AOX1: variants seen among roughly 807,000 people sequenced by gnomAD.
The protein encoded by AOX1 is aldehyde oxidase 1.
Under a neutral mutation model 169.5 loss-of-function variants are expected in AOX1, and 153 were observed. The observed-to-expected ratio is 0.90, with a 90% confidence interval of 0.79 to 1.03. The LOEUF (loss-of-function observed/expected upper bound fraction) is 1.03, where lower values mean the gene tolerates loss of function less well. AOX1 is among the 50% of genes least tolerant of loss of function. The pLI is 0.00. For synonymous variants in AOX1, 562 were observed against 581.9 expected (o/e 0.97, Z 0.49); for missense variants, 1,656 against 1,663.9 (o/e 1.00, Z 0.08).
In AOX1 at chr2:200,621,131, T is replaced by C. The variant is rs775931061; in HGVS notation, c.1886T>C (p.Leu629Pro). Reference protein sequence around the residue: ...RAHAKIVSIDLSEALSMPGVV... With the variant: ...RAHAKIVSIDPSEALSMPGVV... ...TGTATATCATCTAGGTCTATTGATC[T>C]GTCAGAAGCTCTCAGCATGCCCGGT... The change falls in exon 18 of 35, where the codon CTG (leucine) becomes CCG (proline). Residue 629 changes from leucine to proline, a missense_variant. Physicochemically the swap from Leu to Pro is moderately conservative, Grantham distance 98. Coordinates refer to ENST00000374700, the MANE Select transcript of AOX1 (RefSeq NM_001159.4). The C allele has an allele frequency of 6.2e-7, 1 of 1,613,382 alleles. No individual in the cohort carries two copies. The highest frequency in any genetic ancestry group is 8.5e-7 in the Non-Finnish European group (1 of 1,179,834).
chr2:200,641,763 G>A (rs1361248407), intron 24 of AOX1, among the ~76,000 whole-genome samples: 1 of 151,932 alleles, frequency 6.6e-6, no homozygotes, highest in East Asian at 2.0e-4. Flanking sequence ...CAAACTACTA[G>A]GCTCAAGCAA....
At chr2:200,630,210 T>TAAAAA (rs57410809) in intron 20 of AOX1, among the ~76,000 whole-genome samples, 13 of 95,524 alleles carry the variant, frequency 1.4e-4, no homozygotes, top group African/African-American at 5.0e-4. Context: ...TCCTTCTATT[T>TAAAAA]AAAAAAAAAA....
At chr2:200,595,135 TA>T (rs1415100119) in intron 2 of AOX1, 136 bp from the exon 3 acceptor site, 3 of 486,430 alleles carry the variant, frequency 6.2e-6, no homozygotes, top group African/African-American at 5.9e-5. Context: ...AATTAAGACA[TA>T]AACACATTAT....
At chr2:200,669,228 G>A (rs2035981225) in intron 33 of AOX1, among the ~76,000 whole-genome samples, 1 of 152,188 alleles carries the variant, frequency 6.6e-6, no homozygotes, top group African/African-American at 2.4e-5. Flanking sequence ...CAGATCACCT[G>A]AGTCCAAGAG....
chr2:200,605,125 G>A (rs1474507720), intron 9 of AOX1, among the ~76,000 whole-genome samples: 1 of 152,314 alleles, frequency 6.6e-6, no homozygotes, highest in African/African-American at 2.4e-5. Context: ...CAGCTGTCCT[G>A]TCTTTCCTTT....
At chr2:200,631,947 G>A (rs2035136467) in intron 20 of AOX1, among the ~76,000 whole-genome samples, 1 of 152,090 alleles carries the variant, frequency 6.6e-6, no homozygotes, top group Non-Finnish European at 1.5e-5. Context: ...AAGTGAAGCA[G>A]AATCTATTCA....
intron 30 of AOX1, 89 bp from the exon 31 acceptor site, chr2:200,662,766 G>T: frequency 1.0e-6 from 1 of 962,970 alleles, no homozygotes. Context: ...TATTCCTGTG[G>T]CTTGCATAAA....
intron 32 of AOX1, 44 bp from the exon 33 acceptor site, chr2:200,668,571 G>A (rs2035967695): frequency 6.5e-7 from 1 of 1,541,306 alleles, no homozygotes; most frequent in African/African-American, 1.4e-5. Flanking sequence ...AGTGTTGACT[G>A]TGTTTTCTCA....
intron 1 of AOX1, among the ~76,000 whole-genome samples, chr2:200,589,005 A>G (rs2034111466): frequency 6.6e-6 from 1 of 152,016 alleles, no homozygotes; most frequent in Non-Finnish European, 1.5e-5. Flanking sequence ...GAAGAGTGTG[A>G]GAGAAAATCC....
rs900286346 is a variant in AOX1, at chr2:200,597,102, A to G, written c.201-295A>G. ...AACCCCTCATTCAAGAGCAAAAACC[A>G]TCAAAGTTGTGACAGTTTTTGATAA... On this transcript the variant is annotated intron_variant, in intron 3 of 34. Coordinates refer to ENST00000374700, the MANE Select transcript of AOX1 (RefSeq NM_001159.4). Among the ~76,000 whole-genome samples, 4 of 152,212 alleles carry G rather than the reference A, an allele frequency of 2.6e-5. No homozygotes were observed. In the South Asian group the frequency reaches 6.2e-4, roughly 24 times the overall value.
chr2:200,598,738 T>C (rs1221652806), intron 4 of AOX1, among the ~76,000 whole-genome samples: 1 of 150,392 alleles, frequency 6.6e-6, no homozygotes, highest in Non-Finnish European at 1.5e-5. Flanking sequence ...AGCAAGACTC[T>C]GTCTCAAAAA....
intron 27 of AOX1, among the ~76,000 whole-genome samples, chr2:200,657,190 A>ATATATATTTTTTTTT: frequency 1.9e-4 from 12 of 62,868 alleles, no homozygotes; most frequent in East Asian, 9.1e-4. Flanking sequence ...ATATATATAT[A>ATATATATTTTTTTTT]TTTTTTTTTT....
chr2:200,604,070 G>A lies in AOX1; in HGVS notation c.642G>A (p.Gln214=). The change falls in exon 8 of 35, where the codon CAG becomes CAA. Residue 214 remains glutamine (Q), a synonymous_variant. Transcript: ENST00000374700. The part of the protein sequence containing the change: ...EEEFLPLDPT[Q]ELIFPPELMI... ...AGTTTCTGCCATTGGATCCAACCCAGGAACTGATATTTCCTCCTGAGCTAA... is the reference window on the plus strand; with the variant it reads ...AGTTTCTGCCATTGGATCCAACCCAAGAACTGATATTTCCTCCTGAGCTAA... The A allele has an allele frequency of 8.1e-6, 13 of 1,613,250 alleles. No homozygotes were observed. Among genetic ancestry groups the A allele is most frequent in the Non-Finnish European group, 1.1e-5 (13 of 1,179,214 alleles).
intron 16 of AOX1, among the ~76,000 whole-genome samples, chr2:200,617,888 A>G (rs1052220915): frequency 2.0e-5 from 3 of 152,216 alleles, no homozygotes; most frequent in Non-Finnish European, 2.9e-5. Flanking sequence ...TCTGCAACAT[A>G]TGAAAAACCA....
At chr2:200,651,957 A>G (rs1473212525) in intron 26 of AOX1, among the ~76,000 whole-genome samples, 1 of 152,130 alleles carries the variant, frequency 6.6e-6, no homozygotes, top group African/African-American at 2.4e-5. Flanking sequence ...ACACACATCC[A>G]TGTACATACA....
chr2:200,606,848 G>A (rs906078302), intron 10 of AOX1, among the ~76,000 whole-genome samples: 19 of 152,176 alleles, frequency 1.2e-4, no homozygotes, highest in African/African-American at 4.6e-4. Context: ...CTGAGACTTT[G>A]CTGAATTTGC....
chr2:200,609,333 CA>C lies in AOX1; in HGVS notation c.1073del (p.His358ProfsTer11), dbSNP rs758800588. On this transcript the variant is annotated frameshift_variant, in exon 12 of 35. Coordinates refer to ENST00000374700, the MANE Select transcript of AOX1 (RefSeq NM_001159.4). LOFTEE classifies it high-confidence loss of function. ...TTATTTTTAAAAGTCTTTAGGGGGACACATCATTAGCAGGCATCCAGATTCA... is the reference window on the plus strand; with the variant it reads ...TTATTTTTAAAAGTCTTTAGGGGGACCATCATTAGCAGGCATCCAGATTCA... ...QIRNMASLGG[H>X]IISRHPDSDL... is the part of the protein sequence containing the mutation. The C allele has an allele frequency of 6.2e-7, 1 of 1,613,766 alleles. No homozygotes were observed. Among genetic ancestry groups the C allele is most frequent in the East Asian group, 2.2e-5 (1 of 44,884 alleles).
At chr2:200,663,307 A>T (rs933894118) in intron 31 of AOX1, among the ~76,000 whole-genome samples, 1 of 152,196 alleles carries the variant, frequency 6.6e-6, no homozygotes, top group Non-Finnish European at 1.5e-5. Context: ...AAATGCCAAG[A>T]TATGACATTC....
intron 20 of AOX1, among the ~76,000 whole-genome samples, chr2:200,633,140 C>T (rs1332532509): frequency 6.6e-6 from 1 of 152,148 alleles, no homozygotes; most frequent in Non-Finnish European, 1.5e-5. Context: ...GTTTCTTTCT[C>T]ATAGCTTTCA....
Sources: allele counts gnomAD v4.1 joint callset (sites outside exome capture counted in the v4.1 genomes callset), GRCh38; gene constraint gnomAD v4.1.1; transcripts MANE v1.5; gene names NCBI Gene and HGNC (gene_info 2026-07-23, HGNC 2026-07-21).